LAMP2: variants seen among roughly 807,000 people sequenced by gnomAD.
LAMP2 encodes the protein lysosome associated membrane protein 2, also known as lysosome-associated membrane glycoprotein 2.
Under a neutral mutation model 25.6 loss-of-function variants are expected in LAMP2, and 4 were observed. The ratio of observed to expected loss-of-function variants is 0.16; its 90% CI spans 0.08 to 0.36. LAMP2 has a LOEUF of 0.36. Ranked by LOEUF, LAMP2 falls within the 10% of genes least tolerant of loss-of-function variation. The pLI, the probability that LAMP2 is intolerant of heterozygous loss-of-function variation, is 1.00. For missense variants in LAMP2, 272 were observed against 301.4 expected, an observed-to-expected ratio of 0.90 and a Z score of 0.72; for synonymous variants, 108 against 112.7, an observed-to-expected ratio of 0.96 and a Z score of 0.27.
chrX:120,462,018 A>G (rs2147290390), intron 1 of LAMP2, among the ~76,000 whole-genome samples: 1 of 111,830 alleles, frequency 8.9e-6, no homozygotes, highest in South Asian at 3.7e-4. Context: ...TTCCATCCTT[A>G]TTGCTGTGTT....
intron 3 of LAMP2, among the ~76,000 whole-genome samples, chrX:120,454,914 T>TATAC (rs1556111451): frequency 6.0e-4 from 42 of 69,788 alleles, no homozygotes; most frequent in East Asian, 2.1e-3. Flanking sequence ...TATATATATA[T>TATAC]ACACACACAC....
intron 8 of LAMP2, among the ~76,000 whole-genome samples, chrX:120,440,914 A>G (rs1423714373): frequency 1.2e-4 from 14 of 112,284 alleles, no homozygotes; most frequent in Non-Finnish European, 2.6e-4. Flanking sequence ...AAGTAGTCGA[A>G]TGGCTCACAG....
At position 120,429,141 on chromosome X, in the gene LAMP2, T is replaced by C; in HGVS notation, c.*2182A>G. ...ATGTGTATATATATGTGTGTGTGTA[T>C]ATATATGTGTGTGTGTGTACATATA... On this transcript the variant is annotated 3_prime_UTR_variant, in exon 9 of 9. Coordinates refer to ENST00000200639, the MANE Select transcript of LAMP2 (RefSeq NM_002294.3). 2 of 694,652 alleles carry C rather than the reference T, an allele frequency of 2.9e-6. No homozygotes were observed. Among genetic ancestry groups the C allele is most frequent in the Non-Finnish European group, 3.4e-6 (2 of 590,296 alleles). 57.2% of individuals were successfully genotyped at this position (694,652 alleles called of 1,213,427 possible).
In LAMP2 at chrX:120,448,010, T is replaced by A. The variant is rs767918596; in HGVS notation, c.572A>T (p.Lys191Ile). 1.7e-6 allele frequency: 2 copies of A among 1,207,938 alleles called. No individual in the cohort carries two copies. The highest frequency in any genetic ancestry group is 3.5e-5 in the African/African-American group (2 of 56,820). The part of the protein sequence containing the change: ...TVSTNEFLCD[K>I]DKTSTVAPTI... The stretch of plus-strand genomic sequence containing the variant: ...GGGTGCCACTGTTGAAGTTTTGTCT[T>A]TATCACACAGGAACTCTAAAACAAG... The change falls in exon 5 of 9, where the codon AAA (lysine) becomes ATA (isoleucine). Residue 191 changes from lysine (K) to isoleucine (I), a missense_variant. Lys to Ile is a moderately radical substitution (Grantham distance 102, BLOSUM62 -3). Transcript: ENST00000200639.
In LAMP2 at chrX:120,428,226, A is replaced by G; in HGVS notation, c.*3097T>C. ...TTCATAATTGGATCCAGGGGCTTAA[A>G]ATCATTATTTACTTAAAAAATTCTA... On this transcript the variant is annotated 3_prime_UTR_variant, in exon 9 of 9. Transcript: ENST00000200639. 1 of 238,218 alleles carries G rather than the reference A, an allele frequency of 4.2e-6. No homozygotes were observed. Among genetic ancestry groups the G allele is most frequent in the Non-Finnish European group, 7.4e-6 (1 of 135,791 alleles). 19.6% of individuals were successfully genotyped at this position (238,218 alleles called of 1,213,427 possible). A position where few individuals can be genotyped will look rare whatever the true frequency, so the allele number is the denominator to read the frequency against.
Position 120,428,312 on chromosome X carries a change from G to A in LAMP2, c.*3011C>T. 2.0e-6 allele frequency: 1 copy of A among 499,462 alleles called. No homozygotes were observed. The highest frequency in any genetic ancestry group is 2.9e-6 in the Non-Finnish European group (1 of 350,753). The allele number at this position is 499,462 out of a possible 1,213,427, so 41.2% of individuals were successfully genotyped here. On this transcript the variant is annotated 3_prime_UTR_variant, in exon 9 of 9. Coordinates refer to ENST00000200639, the MANE Select transcript of LAMP2 (RefSeq NM_002294.3). ...GGAAGAAAAAAAACAGAAAAAAATT[G>A]GTCCTAATATATTTTGTCTTAAATA...
chrX:120,443,978 C>T (rs2058585229), intron 6 of LAMP2, among the ~76,000 whole-genome samples: 1 of 91,970 alleles, frequency 1.1e-5, no homozygotes, highest in Non-Finnish European at 2.1e-5. Flanking sequence ...GAGACTCTGT[C>T]AAAGAAAGAA....
chrX:120,456,920 A>C (rs992169031), intron 1 of LAMP2, 151 bp from the exon 2 acceptor site: 2 of 355,613 alleles, frequency 5.6e-6, no homozygotes, highest in Non-Finnish European at 1.0e-5. Flanking sequence ...ATATATACAT[A>C]TATGTGTATA....
intron 1 of LAMP2, among the ~76,000 whole-genome samples, chrX:120,467,210 G>C (rs894106157): frequency 2.7e-5 from 3 of 109,952 alleles, no homozygotes; most frequent in African/African-American, 9.9e-5. Context: ...AAAGGTCCTC[G>C]AGAGTCACTG....
chrX:120,447,340 G>A (rs1037930045), intron 5 of LAMP2, among the ~76,000 whole-genome samples: 4 of 110,426 alleles, frequency 3.6e-5, no homozygotes, highest in South Asian at 3.9e-4. Context: ...CCCTGGAGGC[G>A]GAGGTTGCAG....
upstream of LAMP2, chrX:120,469,305 G>A: frequency 3.3e-6 from 2 of 605,010 alleles, no homozygotes; most frequent in Non-Finnish European, 5.4e-6. Flanking sequence ...GCCAGGAATC[G>A]GCGCTTCAGT....
At chrX:120,458,340 A>C (rs1921187720) in intron 1 of LAMP2, among the ~76,000 whole-genome samples, 1 of 112,484 alleles carries the variant, frequency 8.9e-6, no homozygotes, top group Non-Finnish European at 1.9e-5. Flanking sequence ...ATATTAGAAT[A>C]ACAGGAAGAA....
At chrX:120,465,691 T>G (rs1454803846) in intron 1 of LAMP2, among the ~76,000 whole-genome samples, 1 of 112,338 alleles carries the variant, frequency 8.9e-6, no homozygotes, top group Non-Finnish European at 1.9e-5. Context: ...AGAGCACTAA[T>G]GCTAATAAGA....
chrX:120,449,202 G>A (rs768443850), intron 3 of LAMP2, 74 bp from the exon 4 acceptor site: 21 of 849,300 alleles, frequency 2.5e-5, no homozygotes, highest in Non-Finnish European at 3.6e-5. Flanking sequence ...TATTTGTATA[G>A]GCTTTCTTCT....
intron 7 of LAMP2, 76 bp downstream of exon 7, chrX:120,442,523 G>T: frequency 2.4e-6 from 2 of 823,798 alleles, no homozygotes; most frequent in East Asian, 3.1e-5. Flanking sequence ...GGCACTATTT[G>T]GTAATAAGAC....
At position 120,456,791 on chromosome X, in the gene LAMP2, A is replaced by G. The variant is rs189682894; in HGVS notation, c.65-22T>C. The G allele has an allele frequency of 1.1e-4, 93 of 880,533 alleles. No individual in the cohort carries two copies. The African/African-American group carries it at 1.5e-3, about 14-fold the overall frequency. 72.6% of individuals were successfully genotyped at this position (880,533 alleles called of 1,213,427 possible). A position where few individuals can be genotyped will look rare whatever the true frequency, so the allele number is the denominator to read the frequency against. On this transcript the variant is annotated intron_variant, in intron 1 of 8. Transcript: ENST00000200639. ...GCTCCTGGATTCATTTAAAAAAATA[A>G]TATTTTAAAATTGTACTACAAAAAT...
rs1740140637 is a variant in LAMP2 at position 120,438,248 on chromosome X, T to G, written c.1093+3482A>C. ...TCTTAAGAAAAAGAAAATAATAAAATACATCACTATCAACAAGAAATGTTG... is the reference window on the plus strand; with the variant it reads ...TCTTAAGAAAAAGAAAATAATAAAAGACATCACTATCAACAAGAAATGTTG... On this transcript the variant is annotated intron_variant, in intron 8 of 8. Coordinates refer to ENST00000200639, the MANE Select transcript of LAMP2 (RefSeq NM_002294.3). 6.7e-6 allele frequency: 5 copies of G among 744,532 alleles called. No individual in the cohort carries two copies. In the African/African-American group the frequency reaches 9.3e-5, roughly 14 times the overall value. 61.4% of individuals were successfully genotyped at this position (744,532 alleles called of 1,213,427 possible).
intron 1 of LAMP2, among the ~76,000 whole-genome samples, chrX:120,460,091 G>A (rs189567941): frequency 1.8e-4 from 20 of 110,832 alleles, no homozygotes; most frequent in African/African-American, 6.2e-4. Context: ...GACCAGCCTG[G>A]CCAACATGGT....
At chrX:120,459,138 A>G (rs1442209295) in intron 1 of LAMP2, among the ~76,000 whole-genome samples, 2 of 111,816 alleles carry the variant, frequency 1.8e-5, no homozygotes, top group East Asian at 5.6e-4. Context: ...CTCAAATGCC[A>G]TACTCTATTC....
Sources: gnomAD v4.1 joint callset for allele counts (sites outside exome capture counted in the v4.1 genomes callset) on GRCh38, gnomAD v4.1.1 for gene constraint, MANE v1.5 for transcripts, NCBI Gene and HGNC (gene_info 2026-07-23, HGNC 2026-07-21) for gene names.